Variants in ADARB1 observed in about 807,000 individuals in gnomAD.
ADARB1 encodes the protein adenosine deaminase RNA specific B1, also known as double-stranded RNA-specific editase 1.
ADARB1 carries 10 observed loss-of-function variants against 52.4 expected under a neutral mutation model. The observed-to-expected ratio is 0.19, with a 90% CI of 0.12 to 0.32. The LOEUF is 0.32. Among genes scored for constraint, ADARB1 ranks in the 10% least tolerant of loss-of-function variants. The pLI is 1.00. For missense variants in ADARB1, 643 were observed against 922.3 expected (o/e 0.70, Z 3.92); for synonymous variants, 349 against 371.1 (o/e 0.94, Z 0.68).
At chr21:45,190,099 T>G (rs2092239620) in intron 8 of ADARB1, among the ~76,000 whole-genome samples, 1 of 152,164 alleles carries the variant, frequency 6.6e-6, no homozygotes, top group Non-Finnish European at 1.5e-5. Context: ...TGCTTGATAG[T>G]GTTCCGTAAG....
chr21:45,205,132 A>G (rs1025647964), intron 9 of ADARB1, among the ~76,000 whole-genome samples: 2 of 152,150 alleles, frequency 1.3e-5, no homozygotes, highest in African/African-American at 2.4e-5. Flanking sequence ...GAGGTGGGGC[A>G]TGCCTGTGGT....
intron 1 of ADARB1, among the ~76,000 whole-genome samples, chr21:45,106,193 C>T (rs200535747): frequency 6.8e-6 from 1 of 146,544 alleles, no homozygotes. Flanking sequence ...CCGTGGGAGG[C>T]TTTTTTTTTT....
rs1439636579 is a variant in ADARB1 at position 45,142,359 on chromosome 21, T to G, written c.-48+13786T>G. 1.3e-5 allele frequency among the ~76,000 whole-genome samples: 2 copies of G among 152,270 alleles called. No individual in the cohort carries two copies. The highest frequency in any genetic ancestry group is 2.9e-5 in the Non-Finnish European group (2 of 68,050). Reference sequence around the variant, plus strand: ...TGGAAAAAGCTTAATTGAATTCATTTGTTTGAAGAAGTAGAGGAATGTTGC... The same window carrying G: ...TGGAAAAAGCTTAATTGAATTCATTGGTTTGAAGAAGTAGAGGAATGTTGC... On this transcript the variant is annotated intron_variant, in intron 2 of 10. Transcript: ENST00000348831. The surrounding 1 kb of genome is among the most constrained non-coding windows in gnomAD (Gnocchi z 4.0).
intron 9 of ADARB1, among the ~76,000 whole-genome samples, chr21:45,205,878 T>C (rs948326745): frequency 4.6e-5 from 7 of 152,226 alleles, no homozygotes; most frequent in Admixed American, 1.3e-4. Flanking sequence ...GCTGCCTTGT[T>C]TTCTAGTGCC....
At chr21:45,079,369 ATAAAG>A (rs1241112877) in intron 1 of ADARB1, among the ~76,000 whole-genome samples, 1 of 152,246 alleles carries the variant, frequency 6.6e-6, no homozygotes, top group African/African-American at 2.4e-5. Flanking sequence ...TACAAGTAAA[ATAAAG>A]TAATTCTGAA....
chr21:45,127,343 C>T (rs1569038634), intron 1 of ADARB1, among the ~76,000 whole-genome samples: 1 of 152,176 alleles, frequency 6.6e-6, no homozygotes, highest in Non-Finnish European at 1.5e-5. Context: ...ACATGTGGCC[C>T]TCATTCTCTG....
intron 1 of ADARB1, among the ~76,000 whole-genome samples, chr21:45,109,313 TGC>T (rs1488809310): frequency 6.6e-6 from 1 of 152,230 alleles, no homozygotes; most frequent in Admixed American, 6.5e-5. Context: ...TGCACGTGTG[TGC>T]GCGCGTGTGC....
At chr21:45,127,745 T>A (rs1448279537) in intron 1 of ADARB1, among the ~76,000 whole-genome samples, 1 of 152,196 alleles carries the variant, frequency 6.6e-6, no homozygotes, top group East Asian at 1.9e-4. Context: ...TCTTTGGAAC[T>A]CTGCAATGGA....
At chr21:45,203,543 A>G (rs970654336) in intron 8 of ADARB1, among the ~76,000 whole-genome samples, 2 of 152,214 alleles carry the variant, frequency 1.3e-5, no homozygotes, top group African/African-American at 4.8e-5. Flanking sequence ...TGAGCAGAGC[A>G]TCTCTGCTCT....
chr21:45,140,088 C>T (rs958588248), intron 2 of ADARB1, among the ~76,000 whole-genome samples: 5 of 151,918 alleles, frequency 3.3e-5, no homozygotes, highest in Non-Finnish European at 7.4e-5. Flanking sequence ...GGATTACAGG[C>T]GCCCGCCACC....
chr21:45,152,349 C>T (rs145566834), intron 2 of ADARB1, among the ~76,000 whole-genome samples: 4 of 144,906 alleles, frequency 2.8e-5, no homozygotes, highest in East Asian at 2.2e-4. Flanking sequence ...ACTGTGACTG[C>T]GCTGAACGGT....
At chr21:45,076,595 C>T (rs767345607) in intron 1 of ADARB1, among the ~76,000 whole-genome samples, 11 of 152,138 alleles carry the variant, frequency 7.2e-5, no homozygotes, top group Non-Finnish European at 1.5e-4. Flanking sequence ...TCTGGTGTGA[C>T]GTGCTCATGC....
intron 8 of ADARB1, among the ~76,000 whole-genome samples, chr21:45,198,525 A>G (rs2092478254): frequency 6.6e-6 from 1 of 151,916 alleles, no homozygotes; most frequent in Non-Finnish European, 1.5e-5. Context: ...ACACACATAC[A>G]CACACACACA....
chr21:45,132,502 G>T (rs2089013411), intron 2 of ADARB1, among the ~76,000 whole-genome samples: 1 of 152,130 alleles, frequency 6.6e-6, no homozygotes, highest in Admixed American at 6.5e-5. Flanking sequence ...TTTAACTTGA[G>T]GCCCTCACAA....
Position 45,200,726 on chromosome 21 carries a change from A to G in ADARB1, c.1566-3829A>G, listed in dbSNP as rs1199490493. On this transcript the variant is annotated intron_variant, in intron 8 of 10. Transcript: ENST00000348831. The surrounding 1 kb of genome is among the most constrained non-coding windows in gnomAD (Gnocchi z 5.0). The stretch of plus-strand genomic sequence containing the variant: ...GGTCCTGGGTTGAAAGCAGGAAGGA[A>G]TGGGCGTGGGGCAACCACTAGGAAG... Among the ~76,000 whole-genome samples the G allele has an allele frequency of 6.6e-6, 1 of 152,030 alleles. No homozygotes were observed. The highest frequency in any genetic ancestry group is 2.4e-5 in the African/African-American group (1 of 41,392).
At chr21:45,107,938 G>A (rs7281718) in intron 1 of ADARB1, among the ~76,000 whole-genome samples, 10,196 of 152,228 alleles carry the variant, frequency 0.067, 401 homozygotes, top group East Asian at 0.15. Flanking sequence ...GCACACACCT[G>A]TAGTCCCAGC....
In ADARB1 at chr21:45,222,857, G is replaced by A; in HGVS notation, c.*660G>A. ...GTAGCGTGGCCCTGTCATGCACATG[G>A]GGTCCCGCAGCAGTGACTGTGTGTC... On this transcript the variant is annotated 3_prime_UTR_variant, in exon 11 of 11. Transcript: ENST00000348831. The A allele has an allele frequency of 3.0e-6, 3 of 985,428 alleles. No homozygotes were observed. Among genetic ancestry groups the A allele is most frequent in the Non-Finnish European group, 3.6e-6 (3 of 829,966 alleles). 61.0% of individuals were successfully genotyped at this position (985,428 alleles called of 1,614,324 possible).
chr21:45,202,881 C>T (rs1183689280), intron 8 of ADARB1, among the ~76,000 whole-genome samples: 2 of 151,252 alleles, frequency 1.3e-5, no homozygotes, highest in African/African-American at 2.4e-5. Context: ...CTGTGCTGAG[C>T]GTCTTCCCCT....
Position 45,180,322 on chromosome 21 carries a change from C to T in ADARB1, c.964-8C>T. 2 of 1,608,958 alleles carry T rather than the reference C, an allele frequency of 1.2e-6. No individual in the cohort carries two copies. Among genetic ancestry groups the T allele is most frequent in the Non-Finnish European group, 1.7e-6 (2 of 1,175,722 alleles). On this transcript the variant is annotated splice_polypyrimidine_tract_variant and splice_region_variant and intron_variant, in intron 4 of 10. Transcript: ENST00000348831. ...GGCCCCTAACCTGCATCTGTGCTTCCCACACAGGTTTTAGCTGACGCTGTC... is the reference window on the plus strand; with the variant it reads ...GGCCCCTAACCTGCATCTGTGCTTCTCACACAGGTTTTAGCTGACGCTGTC...
Sources: gnomAD v4.1 joint callset for allele counts (sites outside exome capture counted in the v4.1 genomes callset) on GRCh38, gnomAD v4.1.1 for gene constraint, Gnocchi (gnomAD v3.1) non-coding constraint, MANE v1.5 for transcripts, NCBI Gene and HGNC (gene_info 2026-07-23, HGNC 2026-07-21) for gene names.